The following SAMD12 variants were observed in gnomAD, a reference collection of about 807,000 sequenced individuals.
The protein encoded by SAMD12 is sterile alpha motif domain containing 12, also known as sterile alpha motif domain-containing protein 12.
A neutral mutation model predicts 15.0 loss-of-function variants in SAMD12; 9 were observed. The ratio of observed to expected loss-of-function variants is 0.60; its 90% CI spans 0.36 to 1.05. The LOEUF is 1.05. Ranked by LOEUF, SAMD12 falls within the 50% of genes least tolerant of loss-of-function variation. The probability of loss-of-function intolerance (pLI) is 0.01; values close to 1 mark genes in which losing one functional copy is unlikely to be tolerated. For missense variants in SAMD12, 230 were observed against 234.2 expected (o/e 0.98, Z 0.12); for synonymous variants, 86 against 90.1 (o/e 0.96, Z 0.25).
intron 2 of SAMD12, among the ~76,000 whole-genome samples, chr8:118,452,744 A>G (rs1444408649): frequency 6.6e-6 from 1 of 152,252 alleles, no homozygotes; most frequent in African/African-American, 2.4e-5. Flanking sequence ...CAAAAGGCTC[A>G]GAGTAAAAAA....
chr8:118,520,655 A>T (rs1337809139), intron 2 of SAMD12, among the ~76,000 whole-genome samples: 23 of 152,212 alleles, frequency 1.5e-4, no homozygotes, highest in Non-Finnish European at 7.4e-5. Context: ...AAGTAATCAG[A>T]AAATCAGGTG....
rs371982803 is a variant in SAMD12, at chr8:118,379,308, C to A, written c.*109G>T. On this transcript the variant is annotated 3_prime_UTR_variant, in exon 4 of 4. Coordinates refer to ENST00000314727, the MANE Select transcript of SAMD12 (RefSeq NM_207506.3). ...GCAGTACACAATCCATACAACTGTACGTGACCACCTTGAAGTTAGCTCAGG... is the reference window on the plus strand; with the variant it reads ...GCAGTACACAATCCATACAACTGTAAGTGACCACCTTGAAGTTAGCTCAGG... 1.5e-5 allele frequency: 23 copies of A among 1,484,918 alleles called. No homozygotes were observed. Among genetic ancestry groups the A allele is most frequent in the Non-Finnish European group, 1.7e-5 (19 of 1,121,854 alleles). 92.0% of individuals were successfully genotyped at this position (1,484,918 alleles called of 1,614,324 possible).
At chr8:118,268,304 A>C (rs545576742) in intron 4 of SAMD12, among the ~76,000 whole-genome samples, 1 of 152,316 alleles carries the variant, frequency 6.6e-6, no homozygotes, top group South Asian at 2.1e-4. Flanking sequence ...ATTTTCATTA[A>C]ATCAATATTT....
chr8:118,262,068 G>A (rs1586396767), intron 4 of SAMD12, among the ~76,000 whole-genome samples: 1 of 152,110 alleles, frequency 6.6e-6, no homozygotes, highest in Non-Finnish European at 1.5e-5. Flanking sequence ...AGTGAATACA[G>A]ACAGAGGCAG....
chr8:118,190,112 C>T (rs944719064), exon 5 of SAMD12: 5 of 152,202 alleles, frequency 3.3e-5, no homozygotes, highest in African/African-American at 9.6e-5. Context: ...TCTACCTAGG[C>T]TTCTGTGTTC....
intron 2 of SAMD12, among the ~76,000 whole-genome samples, chr8:118,510,155 T>C (rs970911280): frequency 2.0e-5 from 3 of 152,102 alleles, no homozygotes; most frequent in Admixed American, 1.3e-4. Flanking sequence ...TTTAAAACAG[T>C]TGTTCTCAAA....
intron 4 of SAMD12, among the ~76,000 whole-genome samples, chr8:118,302,419 TATTTAGAAC>T (rs1344962023): frequency 6.6e-6 from 1 of 152,166 alleles, no homozygotes. Context: ...AAGACCAGGA[TATTTAGAAC>T]ATTTGGAGAA....
At position 118,337,206 on chromosome 8, in the gene SAMD12, A is replaced by C. The variant is rs943557668; in HGVS notation, c.433+42354T>G. Among the ~76,000 whole-genome samples the C allele has an allele frequency of 1.1e-4, 17 of 152,118 alleles. 1 individual carries two copies. Among genetic ancestry groups the C allele is most frequent in the African/African-American group, 4.1e-4 (17 of 41,416 alleles). ...AAGAGAGAAATAAAAAAAAAAGAGA[A>C]ATTTTCAGTGCTCCAGATTACGGGA... On this transcript the variant is annotated intron_variant, in intron 4 of 4. Transcript: ENST00000409003.
chr8:118,524,457 G>T (rs1189461746), intron 2 of SAMD12, among the ~76,000 whole-genome samples: 4 of 151,910 alleles, frequency 2.6e-5, no homozygotes, highest in Non-Finnish European at 5.9e-5. Context: ...TCTAAATATT[G>T]GATGCTGCAG....
chr8:118,479,112 T>C (rs957692914), intron 2 of SAMD12, among the ~76,000 whole-genome samples: 14 of 146,458 alleles, frequency 9.6e-5, no homozygotes, highest in African/African-American at 3.5e-4. Context: ...CTACAATGTC[T>C]TTCCCAATCT....
At chr8:118,178,296 A>T in the SAMD12 span, among the ~76,000 whole-genome samples, 1 of 152,212 alleles carries the variant, frequency 6.6e-6, no homozygotes. Context: ...AAAGGAAAAG[A>T]AGCTTAAAGA....
At chr8:118,193,311 C>G (rs536997823) in exon 5 of SAMD12, 1 of 152,322 alleles carries the variant, frequency 6.6e-6, no homozygotes, top group South Asian at 2.1e-4. Context: ...AAAGAATGCT[C>G]TCTGTCTTCC....
the SAMD12 span, among the ~76,000 whole-genome samples, chr8:118,162,103 T>C: frequency 6.7e-6 from 1 of 149,492 alleles, no homozygotes; most frequent in Non-Finnish European, 1.5e-5. Flanking sequence ...GAGGTTTCAG[T>C]GAGCCGAGAT....
chr8:118,455,533 T>G (rs1441739260), intron 2 of SAMD12, among the ~76,000 whole-genome samples: 1 of 152,166 alleles, frequency 6.6e-6, no homozygotes, highest in African/African-American at 2.4e-5. Flanking sequence ...CTGTACTCTC[T>G]CCTGGGGTAG....
At chr8:118,358,078 A>G (rs1229787719) in intron 4 of SAMD12, among the ~76,000 whole-genome samples, 2 of 152,178 alleles carry the variant, frequency 1.3e-5, no homozygotes, top group African/African-American at 4.8e-5. Flanking sequence ...CCAGGAGGTC[A>G]TGGCTGCAGT....
intron 1 of SAMD12, among the ~76,000 whole-genome samples, chr8:118,601,067 A>G (rs1219941679): frequency 6.6e-6 from 1 of 152,206 alleles, no homozygotes. Flanking sequence ...TGCTATGCAA[A>G]ACCAAAAACC....
chr8:118,436,664 T>G (rs1334281987), intron 3 of SAMD12, among the ~76,000 whole-genome samples: 1 of 152,232 alleles, frequency 6.6e-6, no homozygotes, highest in Non-Finnish European at 1.5e-5. Flanking sequence ...CAATCTTTTC[T>G]GCAGCCTTAA....
At chr8:118,357,333 G>A (rs373454544) in intron 4 of SAMD12, among the ~76,000 whole-genome samples, 2 of 152,152 alleles carry the variant, frequency 1.3e-5, no homozygotes. Flanking sequence ...TGCCTCTTGG[G>A]CTCAAGCGAT....
At chr8:118,400,383 C>T (rs1351763673) in intron 3 of SAMD12, 1 of 152,220 alleles carries the variant, frequency 6.6e-6, no homozygotes, top group Admixed American at 6.5e-5. Flanking sequence ...AAACCTTATA[C>T]TTCTAATCAC....
Sources: gnomAD v4.1 joint callset for allele counts (sites outside exome capture counted in the v4.1 genomes callset) on GRCh38, gnomAD v4.1.1 for gene constraint, MANE v1.5 for transcripts, NCBI Gene and HGNC (gene_info 2026-07-23, HGNC 2026-07-21) for gene names.